Variants in CHEK2 observed in about 807,000 individuals in gnomAD.
The protein encoded by CHEK2 is serine/threonine-protein kinase Chk2.
A neutral mutation model predicts 69.1 loss-of-function variants in CHEK2; 71 were observed. The ratio of observed to expected loss-of-function variants is 1.03; its 90% CI spans 0.85 to 1.25. The LOEUF (loss-of-function observed/expected upper bound fraction) is 1.25. Among genes scored for constraint, CHEK2 ranks in the 50% most tolerant of loss-of-function variants. The probability of loss-of-function intolerance (pLI) is 0.00; values close to 1 mark genes in which losing one functional copy is unlikely to be tolerated. For synonymous variants in CHEK2, 189 were observed against 226.9 expected (o/e 0.83, Z 1.50); for missense variants, 664 against 649.6 (o/e 1.02, Z -0.24).
intron 5 of CHEK2, among the ~76,000 whole-genome samples, chr22:28,713,971 G>A (rs961129685): frequency 4.6e-5 from 7 of 152,198 alleles, no homozygotes; most frequent in East Asian, 3.8e-4. Flanking sequence ...GTGAGCCACC[G>A]TGCCCAGCCT....
intron 4 of CHEK2, among the ~76,000 whole-genome samples, chr22:28,721,083 G>GT (rs753716257): frequency 6.6e-5 from 10 of 152,154 alleles, no homozygotes; most frequent in African/African-American, 1.4e-4. Flanking sequence ...CATTACCACT[G>GT]TAAGTATCAG....
At chr22:28,739,258 A>G (rs2054495875) in intron 1 of CHEK2, among the ~76,000 whole-genome samples, 1 of 152,158 alleles carries the variant, frequency 6.6e-6, no homozygotes, top group Non-Finnish European at 1.5e-5. Flanking sequence ...GCTAGGTGAC[A>G]GAGTGAGATT....
At chr22:28,694,347 G>C (rs1296438400) in intron 12 of CHEK2, among the ~76,000 whole-genome samples, 4 of 152,106 alleles carry the variant, frequency 2.6e-5, no homozygotes, top group African/African-American at 9.7e-5. Context: ...CGTCAGTCAC[G>C]ACCTCTTCAC....
intron 1 of CHEK2, 79 bp from the exon 2 acceptor site, chr22:28,734,806 T>C (rs2054345822): frequency 4.5e-6 from 5 of 1,122,396 alleles, no homozygotes; most frequent in East Asian, 2.4e-5. Flanking sequence ...GATGGGCCTA[T>C]TACAACAGCA....
chr22:28,720,560 A>T (rs1290784253), intron 4 of CHEK2, among the ~76,000 whole-genome samples: 1 of 152,198 alleles, frequency 6.6e-6, no homozygotes, highest in African/African-American at 2.4e-5. Context: ...CCATCTTGAA[A>T]GGTGAAATTT....
At chr22:28,723,467 G>A (rs1052666586) in intron 4 of CHEK2, among the ~76,000 whole-genome samples, 3 of 151,022 alleles carry the variant, frequency 2.0e-5, no homozygotes, top group Admixed American at 2.0e-4. Context: ...GCGTGGTGGC[G>A]GGCGCCTGTA....
chr22:28,707,752 T>C (rs1281465561), intron 7 of CHEK2, among the ~76,000 whole-genome samples: 2 of 151,868 alleles, frequency 1.3e-5, no homozygotes, highest in Non-Finnish European at 2.9e-5. Flanking sequence ...TCTATTGCAC[T>C]GGACACCGGA....
chr22:28,726,651 C>T (rs944209161), intron 2 of CHEK2, among the ~76,000 whole-genome samples: 11 of 146,696 alleles, frequency 7.5e-5, no homozygotes, highest in South Asian at 2.2e-4. Context: ...TATATAAAAC[C>T]GTGAAATAAC....
chr22:28,726,856 C>T (rs966055815), intron 2 of CHEK2, among the ~76,000 whole-genome samples: 1 of 148,166 alleles, frequency 6.7e-6, no homozygotes, highest in Non-Finnish European at 1.5e-5. Context: ...ACCCCTCTCC[C>T]CTTGCTCATG....
At chr22:28,720,354 G>C (rs2053731574) in intron 4 of CHEK2, among the ~76,000 whole-genome samples, 1 of 150,768 alleles carries the variant, frequency 6.6e-6, no homozygotes, top group South Asian at 2.1e-4. Flanking sequence ...GCATCCCAAA[G>C]TGCTGGGATT....
intron 5 of CHEK2, among the ~76,000 whole-genome samples, chr22:28,718,084 GA>G (rs1341992515): frequency 1.3e-5 from 2 of 151,536 alleles, no homozygotes; most frequent in African/African-American, 2.4e-5. Flanking sequence ...CCGTCTCAAA[GA>G]AAAAAAAGTT....
chr22:28,710,685 C>T (rs2053361800), intron 6 of CHEK2, among the ~76,000 whole-genome samples: 2 of 152,096 alleles, frequency 1.3e-5, no homozygotes, highest in Admixed American at 1.3e-4. Flanking sequence ...ACTCAGCTTC[C>T]TGGGCTACAC....
intron 7 of CHEK2, among the ~76,000 whole-genome samples, chr22:28,709,550 G>C (rs2053306787): frequency 6.6e-6 from 1 of 152,154 alleles, no homozygotes; most frequent in South Asian, 2.1e-4. Context: ...TGACAGCTAG[G>C]CATGTGTGTG....
At chr22:28,735,998 G>A (rs1601353126) in intron 1 of CHEK2, among the ~76,000 whole-genome samples, 2 of 152,158 alleles carry the variant, frequency 1.3e-5, no homozygotes, top group Admixed American at 6.6e-5. Context: ...AGGATTGCTT[G>A]AGGGCAGGTG....
chr22:28,707,274 GT>G (rs2053188586), intron 7 of CHEK2, among the ~76,000 whole-genome samples: 1 of 152,340 alleles, frequency 6.6e-6, no homozygotes, highest in Admixed American at 6.5e-5. Flanking sequence ...CTCTCCAAGT[GT>G]GTTGTCTGCA....
chr22:28,707,524 G>A (rs984483564), intron 7 of CHEK2, among the ~76,000 whole-genome samples: 4 of 152,128 alleles, frequency 2.6e-5, no homozygotes, highest in Non-Finnish European at 5.9e-5. Flanking sequence ...TACCACTGCC[G>A]GGGTCCACAA....
chr22:28,708,138 G>A (rs1428714768), intron 7 of CHEK2, among the ~76,000 whole-genome samples: 2 of 151,552 alleles, frequency 1.3e-5, no homozygotes, highest in African/African-American at 2.4e-5. Flanking sequence ...CGCGCCCACC[G>A]CATTTGTGTT....
intron 7 of CHEK2, among the ~76,000 whole-genome samples, chr22:28,707,646 C>G (rs2053199913): frequency 6.6e-6 from 1 of 152,198 alleles, no homozygotes; most frequent in Admixed American, 6.5e-5. Context: ...TCAAAATGCA[C>G]TCATGGGCCC....
intron 8 of CHEK2, among the ~76,000 whole-genome samples, chr22:28,702,242 T>TA: frequency 6.6e-6 from 1 of 151,028 alleles, no homozygotes. Context: ...TATTTTTTTT[T>TA]TTTTAATTTT....
Sources: gnomAD v4.1 joint callset for allele counts (sites outside exome capture counted in the v4.1 genomes callset) on GRCh38, gnomAD v4.1.1 for gene constraint, MANE v1.5 for transcripts, NCBI Gene and HGNC (gene_info 2026-07-23, HGNC 2026-07-21) for gene names.